Variants in EDNRB observed in about 807,000 individuals in gnomAD.
The protein encoded by EDNRB is endothelin receptor type B.
Under a neutral mutation model 46.4 loss-of-function variants are expected in EDNRB, and 18 were observed. The ratio of observed to expected loss-of-function variants is 0.39; its 90% CI spans 0.27 to 0.57. The LOEUF is 0.57. EDNRB is among the 20% of genes least tolerant of loss of function. The probability of loss-of-function intolerance (pLI) is 0.61; values close to 1 mark genes in which losing one functional copy is unlikely to be tolerated. For missense variants in EDNRB, 434 were observed against 537.5 expected, an observed-to-expected ratio of 0.81 and a Z score of 1.90; for synonymous variants, 213 against 204.9, an observed-to-expected ratio of 1.04 and a Z score of -0.34.
Position 77,899,060 on chromosome 13 carries a change from T to C in EDNRB, c.1195-726A>G, listed in dbSNP as rs1878788172. Among the ~76,000 whole-genome samples, 3 of 152,012 alleles carry C rather than the reference T, an allele frequency of 2.0e-5. No individual in the cohort carries two copies. The South Asian group carries it at 6.2e-4, about 31-fold the overall frequency. Reference sequence around the variant, plus strand: ...CTGCTTGTCTTCTGTTCATTCTATTTGTAAAAGAAAATGAGAAGTCCACTG... The same window carrying C: ...CTGCTTGTCTTCTGTTCATTCTATTCGTAAAAGAAAATGAGAAGTCCACTG... On this transcript the variant is annotated intron_variant, in intron 6 of 6. Coordinates refer to ENST00000646607, the MANE Select transcript of EDNRB (RefSeq NM_001122659.3).
intron 1 of EDNRB, among the ~76,000 whole-genome samples, 187 bp downstream of exon 1, chr13:77,917,904 T>C (rs1422430555): frequency 1.3e-5 from 2 of 152,176 alleles, no homozygotes; most frequent in Non-Finnish European, 2.9e-5. Context: ...TTTATTCCAA[T>C]GGTTACTGAC....
At chr13:77,962,740 C>G (rs1208600637) in intron 1 of EDNRB, among the ~76,000 whole-genome samples, 1 of 152,184 alleles carries the variant, frequency 6.6e-6, no homozygotes, top group Non-Finnish European at 1.5e-5. Flanking sequence ...CTCACCACTC[C>G]TATTCAACAT....
chr13:77,945,662 T>TA (rs1050362562), intron 1 of EDNRB, among the ~76,000 whole-genome samples: 10 of 151,990 alleles, frequency 6.6e-5, no homozygotes, highest in African/African-American at 2.4e-4. Context: ...GAATTGTACT[T>TA]ACGGAAGGCT....
At chr13:77,903,831 A>G (rs1173623559) in intron 1 of EDNRB, among the ~76,000 whole-genome samples, 1 of 151,972 alleles carries the variant, frequency 6.6e-6, no homozygotes, top group East Asian at 1.9e-4. Context: ...AGAAGTCATC[A>G]TGCGTATACA....
intron 1 of EDNRB, among the ~76,000 whole-genome samples, chr13:77,935,366 G>A (rs1285677438): frequency 6.6e-6 from 1 of 152,182 alleles, no homozygotes; most frequent in African/African-American, 2.4e-5. Flanking sequence ...GGGAGAGCTA[G>A]GGTGGGGGCA....
intron 1 of EDNRB, among the ~76,000 whole-genome samples, chr13:77,951,658 C>G (rs1385730019): frequency 6.6e-6 from 1 of 152,118 alleles, no homozygotes; most frequent in Non-Finnish European, 1.5e-5. Context: ...GTGTCAAACC[C>G]GTTCTTAGCC....
chr13:77,913,644 G>A (rs927727759), intron 1 of EDNRB, among the ~76,000 whole-genome samples: 1 of 152,128 alleles, frequency 6.6e-6, no homozygotes, highest in African/African-American at 2.4e-5. Context: ...CTCACTATTT[G>A]CTCAAGAATT....
At chr13:77,919,683 T>C, upstream of EDNRB, 3 of 1,453,736 alleles carry the variant, frequency 2.1e-6, no homozygotes, top group Middle Eastern at 2.1e-4. Context: ...ACCTTTCCCC[T>C]TGGGCGATGC....
upstream of EDNRB, chr13:77,919,514 G>C (rs1880001764): frequency 6.8e-6 from 11 of 1,612,802 alleles, no homozygotes; most frequent in Admixed American, 1.5e-4. Flanking sequence ...TTGAGCTGCA[G>C]GCGGGTCCGG....
intron 1 of EDNRB, among the ~76,000 whole-genome samples, chr13:77,970,385 C>T (rs1005181288): frequency 9.2e-5 from 14 of 152,198 alleles, no homozygotes; most frequent in African/African-American, 1.9e-4. Flanking sequence ...GAGGTTTATT[C>T]GGCTGGGAGA....
upstream of EDNRB, chr13:77,918,860 T>C: frequency 1.6e-6 from 2 of 1,276,152 alleles, no homozygotes; most frequent in Non-Finnish European, 2.0e-6. This position sits in a 1 kb window ranked among gnomAD's most constrained non-coding sequence, Gnocchi z 4.5. Context: ...GGGTAAATAA[T>C]ATGCAGTGGG....
At chr13:77,939,148 G>C (rs1397367610) in intron 1 of EDNRB, 2 of 152,340 alleles carry the variant, frequency 1.3e-5, no homozygotes, top group East Asian at 3.9e-4. Context: ...ACAGTCAAAG[G>C]GGGGTTGTCC....
chr13:77,912,524 C>T (rs1268986130), intron 1 of EDNRB, among the ~76,000 whole-genome samples: 1 of 151,974 alleles, frequency 6.6e-6, no homozygotes, highest in African/African-American at 2.4e-5. Context: ...TTCATTTGGA[C>T]ATCAGTAAAA....
At chr13:77,963,918 T>A (rs1881502203) in intron 1 of EDNRB, among the ~76,000 whole-genome samples, 1 of 151,932 alleles carries the variant, frequency 6.6e-6, no homozygotes, top group South Asian at 2.1e-4. Flanking sequence ...TCAAACAAAT[T>A]TACAAGAAAA....
chr13:77,924,583 G>A (rs1880178436), upstream of EDNRB, among the ~76,000 whole-genome samples: 1 of 152,170 alleles, frequency 6.6e-6, no homozygotes, highest in Non-Finnish European at 1.5e-5. Context: ...CATTTTTTAA[G>A]TGTACACTTC....
At position 77,897,400 on chromosome 13, in the gene EDNRB, C is replaced by A; in HGVS notation, c.*800G>T. On this transcript the variant is annotated 3_prime_UTR_variant, in exon 7 of 7. Transcript: ENST00000646607. ...GATTCAAAAAAGTCTTTTGGGATAG[C>A]CTTTCAAACATTCTATTTCTCTTTG... The A allele has an allele frequency of 1.0e-6, 1 of 985,164 alleles. No individual in the cohort carries two copies. The allele number at this position is 985,164 out of a possible 1,614,324, so 61.0% of individuals were successfully genotyped here.
chr13:77,957,138 C>A (rs953843539), intron 1 of EDNRB, among the ~76,000 whole-genome samples: 1 of 152,212 alleles, frequency 6.6e-6, no homozygotes, highest in Admixed American at 6.5e-5. Context: ...TATGTCACTG[C>A]AGAATAAATT....
chr13:77,930,852 G>A (rs188341541), intron 1 of EDNRB, among the ~76,000 whole-genome samples: 36 of 152,148 alleles, frequency 2.4e-4, no homozygotes, highest in Non-Finnish European at 3.7e-4. Context: ...AGTTTAACAC[G>A]CACAGCTGGG....
chr13:77,967,703 CTTCTAAAA>C (rs1241048496), intron 1 of EDNRB, among the ~76,000 whole-genome samples: 1 of 152,170 alleles, frequency 6.6e-6, no homozygotes, highest in Non-Finnish European at 1.5e-5. Flanking sequence ...TTTAAATTAT[CTTCTAAAA>C]GGCTAGTTTT....
Sources: gnomAD v4.1 joint callset for allele counts (sites outside exome capture counted in the v4.1 genomes callset) on GRCh38, gnomAD v4.1.1 for gene constraint, Gnocchi (gnomAD v3.1) non-coding constraint, MANE v1.5 for transcripts, NCBI Gene and HGNC (gene_info 2026-07-23, HGNC 2026-07-21) for gene names.